TRHDE: variants seen among roughly 807,000 people sequenced by gnomAD.
TRHDE encodes the protein thyrotropin-releasing hormone-degrading ectoenzyme.
In TRHDE, 72 loss-of-function variants were observed where a neutral mutation model predicts 125.7. That is an observed-to-expected ratio of 0.57 (90% CI 0.47 to 0.70). The LOEUF (loss-of-function observed/expected upper bound fraction) is 0.70, where lower values mean the gene tolerates loss of function less well. TRHDE is among the 30% of genes least tolerant of loss of function. The pLI is 0.00. For missense variants in TRHDE, 1,110 were observed against 1,327.1 expected (o/e 0.84, Z 2.54); for synonymous variants, 509 against 509.1 (o/e 1.00, Z 0.00).
At chr12:72,095,981 G>T (rs1284246635) in intron 1 of TRHDE, among the ~76,000 whole-genome samples, 1 of 152,172 alleles carries the variant, frequency 6.6e-6, no homozygotes, top group Admixed American at 6.5e-5. Flanking sequence ...TGAGCAAGAA[G>T]GCATTCTGCC....
At chr12:72,355,714 A>G (rs1209689807) in intron 2 of TRHDE, among the ~76,000 whole-genome samples, 3 of 151,940 alleles carry the variant, frequency 2.0e-5, no homozygotes, top group African/African-American at 4.8e-5. Flanking sequence ...TACAAGAGAA[A>G]ACAACCCCAT....
In TRHDE at chr12:72,473,127, G is replaced by T; in HGVS notation, c.1531G>T (p.Ala511Ser). ...WEDVWLKEGF[A>S]HYFEFVGTDY... The stretch of plus-strand genomic sequence containing the variant: ...AGACGTGTGGCTGAAGGAAGGGTTT[G>T]CTCACTACTTTGAATTTGTTGGTAC... The change falls in exon 5 of 19, where the codon GCT becomes TCT. Residue 511 changes from alanine to serine, a missense_variant. This residue lies in a region of TRHDE where 11 missense variants were observed against 37.5 expected (regional missense o/e 0.29). Transcript: ENST00000261180. 1 of 1,614,012 alleles carries T rather than the reference G, an allele frequency of 6.2e-7. No individual in the cohort carries two copies. The highest frequency in any genetic ancestry group is 8.5e-7 in the Non-Finnish European group (1 of 1,179,912).
intron 2 of TRHDE, among the ~76,000 whole-genome samples, chr12:72,347,629 C>T (rs772460607): frequency 1.3e-5 from 2 of 151,968 alleles, no homozygotes; most frequent in Non-Finnish European, 2.9e-5. Flanking sequence ...TTCAGTTCCT[C>T]GTGGGTTGTT....
chr12:72,519,362 C>G (rs1879055731), intron 6 of TRHDE, among the ~76,000 whole-genome samples: 1 of 152,132 alleles, frequency 6.6e-6, no homozygotes, highest in Non-Finnish European at 1.5e-5. Context: ...TCTTTTTTCT[C>G]TAAACTTCCT....
chr12:72,147,267 C>T (rs1876251064), intron 2 of TRHDE, among the ~76,000 whole-genome samples: 1 of 152,242 alleles, frequency 6.6e-6, no homozygotes, highest in Admixed American at 6.5e-5. Flanking sequence ...TTCCCTGTCT[C>T]TTGTCCCTAT....
intron 2 of TRHDE, among the ~76,000 whole-genome samples, chr12:72,317,159 A>G (rs1267300417): frequency 6.6e-6 from 1 of 152,192 alleles, no homozygotes; most frequent in East Asian, 1.9e-4. Context: ...ATTTTTATAC[A>G]ACTTCTAAGT....
At chr12:72,153,306 G>T (rs1330849209) in intron 2 of TRHDE, among the ~76,000 whole-genome samples, 1 of 151,866 alleles carries the variant, frequency 6.6e-6, no homozygotes, top group East Asian at 1.9e-4. Flanking sequence ...TATTAGTCTT[G>T]CTAGCAGTCT....
chr12:72,490,712 CAGAA>C (rs1565763130), intron 5 of TRHDE, among the ~76,000 whole-genome samples: 2 of 136,228 alleles, frequency 1.5e-5, no homozygotes, highest in Non-Finnish European at 3.1e-5. Flanking sequence ...AAGCTAGACA[CAGAA>C]AGAACAATAT....
intron 2 of TRHDE, among the ~76,000 whole-genome samples, chr12:72,324,093 C>T (rs937204482): frequency 1.3e-5 from 2 of 151,992 alleles, no homozygotes; most frequent in African/African-American, 2.4e-5. Context: ...TGCATCAGCC[C>T]GTTGATTCAC....
At chr12:72,107,389 C>T (rs751840611) in intron 2 of TRHDE, among the ~76,000 whole-genome samples, 21 of 152,120 alleles carry the variant, frequency 1.4e-4, no homozygotes, top group Admixed American at 3.3e-4. Flanking sequence ...TTCTACCCAA[C>T]GTTGAGGAGC....
At chr12:72,242,500 A>G (rs917188714) in intron 2 of TRHDE, among the ~76,000 whole-genome samples, 1 of 152,108 alleles carries the variant, frequency 6.6e-6, no homozygotes, top group Non-Finnish European at 1.5e-5. Flanking sequence ...TCTTTTTTCT[A>G]TATTTTGGAC....
At position 72,439,284 on chromosome 12, in the gene TRHDE, G is replaced by A. The variant is rs188565060; in HGVS notation, c.1316-30474G>A. ...CTCAAGTTTGCTTTGGCTATTCAGG[G>A]TCTTTTTGGTTCTATAGAAAATTTT... On this transcript the variant is annotated intron_variant, in intron 3 of 18. Coordinates refer to ENST00000261180, the MANE Select transcript of TRHDE (RefSeq NM_013381.3). Among the ~76,000 whole-genome samples, 6 of 151,606 alleles carry A rather than the reference G, an allele frequency of 4.0e-5. No homozygotes were observed. The East Asian group carries it at 1.2e-3, about 29-fold the overall frequency.
rs1565678994 is a variant in TRHDE at position 72,272,708 on chromosome 12, GGAA to G, written c.76_78del (p.Lys26del). ...AAGAAAAAGAAGAAGAAAAAGAAGA[GGAA>G]GAAGAAGAAGGAGGAGGAGGAGGAG... On this transcript the variant is annotated inframe_deletion, in exon 1 of 19. Transcript: ENST00000261180. The surrounding 1 kb of genome is among the most constrained non-coding windows in gnomAD (Gnocchi z 6.7). 2.9e-6 allele frequency: 3 copies of G among 1,048,760 alleles called. No homozygotes were observed. The highest frequency in any genetic ancestry group is 3.9e-6 in the Non-Finnish European group (3 of 778,078). 65.0% of individuals were successfully genotyped at this position (1,048,760 alleles called of 1,614,324 possible).
intron 2 of TRHDE, among the ~76,000 whole-genome samples, chr12:72,294,484 G>A (rs1289937517): frequency 1.3e-5 from 2 of 152,132 alleles, no homozygotes; most frequent in Admixed American, 6.5e-5. Context: ...CGTTGCTTGT[G>A]CAGCTTTCAG....
chr12:72,226,155 T>G (rs1039762666), intron 2 of TRHDE, among the ~76,000 whole-genome samples: 1 of 152,238 alleles, frequency 6.6e-6, no homozygotes, highest in Non-Finnish European at 1.5e-5. Context: ...CACAGGATTT[T>G]GTAATCCCAC....
At chr12:72,195,800 G>A (rs1292618959) in intron 2 of TRHDE, among the ~76,000 whole-genome samples, 1 of 152,012 alleles carries the variant, frequency 6.6e-6, no homozygotes, top group Non-Finnish European at 1.5e-5. Flanking sequence ...TATTTCCCAA[G>A]GCTGATGTCT....
At chr12:72,522,774 T>A (rs1241784880) in intron 6 of TRHDE, among the ~76,000 whole-genome samples, 1 of 152,184 alleles carries the variant, frequency 6.6e-6, no homozygotes, top group Non-Finnish European at 1.5e-5. Flanking sequence ...TGTCCTGTGA[T>A]GCCTTCTATA....
chr12:72,105,706 T>A (rs1875171305), exon 2 of TRHDE: 1 of 152,190 alleles, frequency 6.6e-6, no homozygotes, highest in Admixed American at 6.5e-5. Context: ...TAGGTGGCAG[T>A]CTGACTCCAA....
At chr12:72,112,828 T>C (rs541047592) in intron 2 of TRHDE, among the ~76,000 whole-genome samples, 54 of 152,296 alleles carry the variant, frequency 3.5e-4, no homozygotes, top group South Asian at 2.1e-3. Flanking sequence ...TTGTCTCCTG[T>C]GAAGCCCAAT....
Sources: gnomAD v4.1 joint callset for allele counts (sites outside exome capture counted in the v4.1 genomes callset) on GRCh38, gnomAD v4.1.1 for gene constraint, gnomAD v4.1.1 regional missense constraint, Gnocchi (gnomAD v3.1) non-coding constraint, MANE v1.5 for transcripts, NCBI Gene and HGNC (gene_info 2026-07-23, HGNC 2026-07-21) for gene names.